STRN: variants seen among roughly 807,000 people sequenced by gnomAD.
The protein encoded by STRN is striatin, also known as protein phosphatase 2 regulatory subunit B'''alpha.
In STRN, 53 loss-of-function variants were observed where a neutral mutation model predicts 96.3. That is an observed-to-expected ratio of 0.55 (90% confidence interval 0.44 to 0.69). The LOEUF (loss-of-function observed/expected upper bound fraction) is 0.69. STRN is among the 30% of genes least tolerant of loss of function. The pLI, the probability that STRN is intolerant of heterozygous loss-of-function variation, is 0.00. For missense variants in STRN, 987 were observed against 963.9 expected, an observed-to-expected ratio of 1.02 and a Z score of -0.32; for synonymous variants, 428 against 355.9, an observed-to-expected ratio of 1.20 and a Z score of -2.28.
At chr2:36,946,882 T>C (rs997627415) in intron 1 of STRN, among the ~76,000 whole-genome samples, 40 of 152,184 alleles carry the variant, frequency 2.6e-4, no homozygotes, top group African/African-American at 7.5e-4. Flanking sequence ...TTTCACATTA[T>C]ACCAAACTTA....
chr2:36,914,388 TAA>T (rs1458470054), intron 3 of STRN, among the ~76,000 whole-genome samples: 3 of 152,224 alleles, frequency 2.0e-5, no homozygotes, highest in Non-Finnish European at 4.4e-5. Context: ...CAACACTAAT[TAA>T]AATCACTCCT....
At chr2:36,891,474 A>G (rs1669396081) in intron 7 of STRN, among the ~76,000 whole-genome samples, 1 of 152,190 alleles carries the variant, frequency 6.6e-6, no homozygotes, top group African/African-American at 2.4e-5. Flanking sequence ...TCAGTGAGCC[A>G]AGATTGCACC....
intron 1 of STRN, among the ~76,000 whole-genome samples, chr2:36,950,283 T>G (rs1395957882): frequency 6.8e-6 from 1 of 147,546 alleles, no homozygotes; most frequent in Non-Finnish European, 1.5e-5. Context: ...TGGCTTGATC[T>G]CGGCTCACCG....
At chr2:36,893,848 T>C (rs1669467400) in intron 7 of STRN, 50 bp downstream of exon 7, 4 of 1,544,852 alleles carry the variant, frequency 2.6e-6, no homozygotes, top group Non-Finnish European at 3.5e-6. Context: ...AAAATATTAA[T>C]TTCTTTTATT....
chr2:36,875,154 T>C (rs1242936173), intron 10 of STRN, among the ~76,000 whole-genome samples: 1 of 152,078 alleles, frequency 6.6e-6, no homozygotes, highest in Non-Finnish European at 1.5e-5. Context: ...GGGTACCCAC[T>C]GAAGAGTAGC....
At chr2:36,922,940 G>A (rs1211258427) in intron 2 of STRN, among the ~76,000 whole-genome samples, 1 of 151,542 alleles carries the variant, frequency 6.6e-6, no homozygotes, top group African/African-American at 2.4e-5. Flanking sequence ...TCAAGAGATC[G>A]AGACCATCCC....
Position 36,905,598 on chromosome 2 carries a change from C to T in STRN, c.433G>A (p.Val145Met), listed in dbSNP as rs1186513498. 1 of 1,613,120 alleles carries T rather than the reference C, an allele frequency of 6.2e-7. No individual in the cohort carries two copies. The highest frequency in any genetic ancestry group is 1.7e-5 in the Admixed American group (1 of 60,012). Reference sequence around the variant, plus strand: ...AACTGGCTGTTTTGTTGTGGCTGCACTTCTGTTTCATTACCTTCATCTAGA... The same window carrying T: ...AACTGGCTGTTTTGTTGTGGCTGCATTTCTGTTTCATTACCTTCATCTAGA... ...YDSDEGNETE[V>M]QPQQNSQLMW... The change falls in exon 4 of 18, where the codon GTG becomes ATG. Residue 145 changes from valine to methionine, a missense_variant. Coordinates refer to ENST00000263918, the MANE Select transcript of STRN (RefSeq NM_003162.4).
chr2:36,853,452 A>C (rs1668269234), intron 15 of STRN, among the ~76,000 whole-genome samples: 1 of 152,222 alleles, frequency 6.6e-6, no homozygotes, highest in African/African-American at 2.4e-5. Context: ...ATATGATTGA[A>C]ATCAAATCAT....
intron 3 of STRN, among the ~76,000 whole-genome samples, chr2:36,909,601 G>A (rs1669913048): frequency 6.6e-6 from 1 of 151,870 alleles, no homozygotes; most frequent in Admixed American, 6.6e-5. Context: ...AGCACAGGGA[G>A]GAACAAAAAC....
intron 4 of STRN, among the ~76,000 whole-genome samples, chr2:36,904,298 G>T (rs934181309): frequency 2.6e-5 from 4 of 152,110 alleles, no homozygotes; most frequent in Non-Finnish European, 5.9e-5. Context: ...GTAGTCAAAA[G>T]TAATAGCTGC....
chr2:36,902,720 T>C lies in STRN; in HGVS notation c.523A>G (p.Ile175Val), dbSNP rs766642292. Reference protein sequence around the residue: ...YLQEVGYTDTILDVKSKRVRA... With the variant: ...YLQEVGYTDTVLDVKSKRVRA... ...ACTCGTTTAGATTTCACATCTAGAA[T>C]AGTATCTGTATAACCCACCTCCTGT... The change falls in exon 5 of 18, where the codon ATT becomes GTT. Residue 175 changes from isoleucine (I) to valine (V), a missense_variant. Physicochemically the swap from Ile to Val is conservative, Grantham distance 29. Coordinates refer to ENST00000263918, the MANE Select transcript of STRN (RefSeq NM_003162.4). The C allele has an allele frequency of 5.6e-6, 9 of 1,610,748 alleles. No individual in the cohort carries two copies. Among genetic ancestry groups the C allele is most frequent in the African/African-American group, 1.3e-5 (1 of 74,882 alleles).
rs1418703231 is a variant in STRN at position 36,844,396 on chromosome 2, GCTAA to G, written c.*5056_*5059del. 3.3e-5 allele frequency: 5 copies of G among 152,132 alleles called. No homozygotes were observed. Among genetic ancestry groups the G allele is most frequent in the African/African-American group, 9.7e-5 (4 of 41,418 alleles). 9.4% of individuals were successfully genotyped at this position (152,132 alleles called of 1,614,324 possible). A position where few individuals can be genotyped will look rare whatever the true frequency, so the allele number is the denominator to read the frequency against. ...TTCTCTGAGACATTTTCAGAGAGGA[GCTAA>G]CTAACACCCACCCAGGGGGGAAAAA... On this transcript the variant is annotated 3_prime_UTR_variant, in exon 18 of 18. Transcript: ENST00000263918.
intron 10 of STRN, among the ~76,000 whole-genome samples, chr2:36,874,726 A>AC (rs1668856190): frequency 6.7e-6 from 1 of 149,108 alleles, no homozygotes; most frequent in African/African-American, 2.5e-5. Flanking sequence ...TTAAAAAAAA[A>AC]AAAAAAAAAA....
At chr2:36,918,451 A>G (rs1670167967) in intron 2 of STRN, among the ~76,000 whole-genome samples, 1 of 151,878 alleles carries the variant, frequency 6.6e-6, no homozygotes, top group Non-Finnish European at 1.5e-5. Context: ...TATGGAGTTT[A>G]TATTTTTTAT....
intron 1 of STRN, among the ~76,000 whole-genome samples, chr2:36,953,954 C>G (rs902887770): frequency 6.6e-6 from 1 of 151,870 alleles, no homozygotes; most frequent in African/African-American, 2.4e-5. Context: ...TATGATCATG[C>G]CTATGAATAG....
intron 6 of STRN, among the ~76,000 whole-genome samples, chr2:36,898,094 T>A (rs1669591615): frequency 6.6e-6 from 1 of 152,224 alleles, no homozygotes; most frequent in Non-Finnish European, 1.5e-5. Flanking sequence ...TAAGATCATA[T>A]GTAACAGTTT....
At chr2:36,937,991 A>T (rs1670749491) in intron 1 of STRN, among the ~76,000 whole-genome samples, 1 of 152,250 alleles carries the variant, frequency 6.6e-6, no homozygotes, top group Non-Finnish European at 1.5e-5. Context: ...ATGATCACAT[A>T]TCTAAAGGCC....
At chr2:36,876,111 A>G (rs1161892714) in intron 10 of STRN, among the ~76,000 whole-genome samples, 1 of 152,000 alleles carries the variant, frequency 6.6e-6, no homozygotes, top group Non-Finnish European at 1.5e-5. Context: ...TCTACCAAAA[A>G]TAAAGGAAAG....
intron 12 of STRN, among the ~76,000 whole-genome samples, chr2:36,864,562 ATTGG>A (rs1206270322): frequency 1.3e-5 from 2 of 152,190 alleles, no homozygotes; most frequent in East Asian, 3.9e-4. Flanking sequence ...TCTGCTAGTA[ATTGG>A]TTGAAGATTT....
Sources: gnomAD v4.1 joint callset for allele counts (sites outside exome capture counted in the v4.1 genomes callset) on GRCh38, gnomAD v4.1.1 for gene constraint, MANE v1.5 for transcripts, NCBI Gene and HGNC (gene_info 2026-07-23, HGNC 2026-07-21) for gene names.